Variants in GRK5 observed in about 807,000 individuals in gnomAD.
GRK5 encodes the protein G protein-coupled receptor kinase 5.
A neutral mutation model predicts 78.4 loss-of-function variants in GRK5; 40 were observed. That is an observed-to-expected ratio of 0.51 (90% CI 0.40 to 0.66). The LOEUF (loss-of-function observed/expected upper bound fraction) is 0.66, where lower values mean the gene tolerates loss of function less well. Ranked by LOEUF, GRK5 falls within the 30% of genes least tolerant of loss-of-function variation. The pLI is 0.00. For missense variants in GRK5, 598 were observed against 759.9 expected (o/e 0.79, Z 2.50); for synonymous variants, 289 against 296.8 (o/e 0.97, Z 0.27).
At chr10:119,403,315 T>C (rs558354773) in intron 4 of GRK5, among the ~76,000 whole-genome samples, 5 of 151,612 alleles carry the variant, frequency 3.3e-5, no homozygotes, top group Non-Finnish European at 7.4e-5. Context: ...TACAGGTGCC[T>C]GCCACCACGC....
intron 4 of GRK5, among the ~76,000 whole-genome samples, chr10:119,398,878 A>C (rs1205308808): frequency 2.6e-5 from 4 of 152,174 alleles, no homozygotes. Flanking sequence ...TCTGATCTGC[A>C]GTGAGGGCGG....
intron 3 of GRK5, among the ~76,000 whole-genome samples, chr10:119,393,054 C>T (rs776288096): frequency 1.3e-5 from 2 of 152,224 alleles, no homozygotes; most frequent in Non-Finnish European, 2.9e-5. Flanking sequence ...TCGGCCCATC[C>T]AGGGGAGCCA....
chr10:119,273,223 T>C (rs1006453560), intron 1 of GRK5, among the ~76,000 whole-genome samples: 9 of 152,124 alleles, frequency 5.9e-5, no homozygotes, highest in African/African-American at 2.2e-4. Flanking sequence ...AGCTCCACTG[T>C]AGGCATAAAG....
chr10:119,290,501 C>T (rs1044287885), intron 1 of GRK5, among the ~76,000 whole-genome samples: 2 of 152,058 alleles, frequency 1.3e-5, no homozygotes, highest in African/African-American at 4.8e-5. Context: ...TTGCTGACAT[C>T]GTGACGATTT....
Position 119,412,335 on chromosome 10 carries a change from C to T in GRK5, c.340-10831C>T, listed in dbSNP as rs554741417. ...GCTGTGCCTGGCACGGTGCCCGGGCCGTGCAGTCCATCGCCTGGGCTGACC... is the reference window on the plus strand; with the variant it reads ...GCTGTGCCTGGCACGGTGCCCGGGCTGTGCAGTCCATCGCCTGGGCTGACC... On this transcript the variant is annotated intron_variant, in intron 4 of 15. Transcript: ENST00000392870. This position sits in a 1 kb window ranked among gnomAD's most constrained non-coding sequence, Gnocchi z 4.3. Among the ~76,000 whole-genome samples the T allele has an allele frequency of 1.3e-5, 2 of 152,306 alleles. No individual in the cohort carries two copies. The highest frequency in any genetic ancestry group is 2.1e-4 in the South Asian group (1 of 4,822).
chr10:119,325,462 T>G (rs1203873033), intron 1 of GRK5, among the ~76,000 whole-genome samples: 2 of 151,756 alleles, frequency 1.3e-5, no homozygotes, highest in African/African-American at 4.8e-5. Flanking sequence ...GGTGACAGAG[T>G]GGAGGGGCTG....
At chr10:119,287,639 T>A (rs1391146298) in intron 1 of GRK5, among the ~76,000 whole-genome samples, 1 of 152,206 alleles carries the variant, frequency 6.6e-6, no homozygotes, top group East Asian at 1.9e-4. Context: ...TCTCTGGGGC[T>A]TAGCTCAACT....
chr10:119,229,591 A>C (rs775789060), intron 1 of GRK5, among the ~76,000 whole-genome samples: 1 of 152,164 alleles, frequency 6.6e-6, no homozygotes, highest in Non-Finnish European at 1.5e-5. Context: ...CAGGAATGCA[A>C]AGATGTGAGA....
chr10:119,383,120 A>G (rs1331305100), intron 3 of GRK5, among the ~76,000 whole-genome samples: 2 of 152,086 alleles, frequency 1.3e-5, no homozygotes, highest in Non-Finnish European at 2.9e-5. Context: ...ATGGGGTCTC[A>G]CCGTGTTAGC....
At position 119,430,214 on chromosome 10, in the gene GRK5, C is replaced by T. The variant is rs990355147; in HGVS notation, c.534-161C>T. Among the ~76,000 whole-genome samples the T allele has an allele frequency of 3.3e-5, 5 of 152,108 alleles. No individual in the cohort carries two copies. In the South Asian group the frequency reaches 8.3e-4, roughly 25 times the overall value. On this transcript the variant is annotated intron_variant, in intron 6 of 15. Coordinates refer to ENST00000392870, the MANE Select transcript of GRK5 (RefSeq NM_005308.3). This position sits in a 1 kb window ranked among gnomAD's most constrained non-coding sequence, Gnocchi z 4.5. The stretch of plus-strand genomic sequence containing the variant: ...AACACTCAGCTTCAGACTAAGTCCT[C>T]GAAGGTCCAGTCTCCAGCGATGATT...
chr10:119,266,773 GT>G lies in GRK5; in HGVS notation c.52+58820del, dbSNP rs1254703830. ...GGGGTTGGGTGGGTGGGGGGGAAGA[GT>G]TTTTTTTTTTTTTTTATGGAGACAG... On this transcript the variant is annotated intron_variant, in intron 1 of 15. Coordinates refer to ENST00000392870, the MANE Select transcript of GRK5 (RefSeq NM_005308.3). Among the ~76,000 whole-genome samples, 211 of 134,692 alleles carry G rather than the reference GT, an allele frequency of 1.6e-3. 1 individual carries two copies. The highest frequency in any genetic ancestry group is 4.6e-3 in the Admixed American group (62 of 13,462). 88.4% of individuals were successfully genotyped at this position (134,692 alleles called of 152,430 possible).
rs1263835464 is a variant in GRK5 at position 119,271,614 on chromosome 10, G to A, written c.53-54902G>A. Among the ~76,000 whole-genome samples, 2 of 152,196 alleles carry A rather than the reference G, an allele frequency of 1.3e-5. No homozygotes were observed. Among genetic ancestry groups the A allele is most frequent in the Non-Finnish European group, 2.9e-5 (2 of 68,026 alleles). ...AGCTCGTAAATGACTCACCCCATCA[G>A]TGCTGGGCTGGTGTGTGCGGGGTTT... On this transcript the variant is annotated intron_variant, in intron 1 of 15. Transcript: ENST00000392870. This position sits in a 1 kb window ranked among gnomAD's most constrained non-coding sequence, Gnocchi z 4.1.
chr10:119,212,656 T>C (rs1564850174), intron 1 of GRK5, among the ~76,000 whole-genome samples: 1 of 152,222 alleles, frequency 6.6e-6, no homozygotes, highest in Non-Finnish European at 1.5e-5. Flanking sequence ...GATAAAGCAT[T>C]ATAATGTCTA....
At chr10:119,280,131 A>G (rs2133687859) in intron 1 of GRK5, among the ~76,000 whole-genome samples, 1 of 152,124 alleles carries the variant, frequency 6.6e-6, no homozygotes, top group Admixed American at 6.5e-5. Context: ...AGGCCTTAGT[A>G]CCCTTATCTC....
chr10:119,207,852 G>T lies in GRK5; in HGVS notation c.-66G>T. On this transcript the variant is annotated 5_prime_UTR_variant, in exon 1 of 16. Coordinates refer to ENST00000392870, the MANE Select transcript of GRK5 (RefSeq NM_005308.3). ...GGCGGCAGCCCGAGCAGCGGCAGCA[G>T]CAGCGGCAGCACCCCAGGCGCTGAC... 6.8e-7 allele frequency: 1 copy of T among 1,464,826 alleles called. No individual in the cohort carries two copies. Among genetic ancestry groups the T allele is most frequent in the Non-Finnish European group, 9.2e-7 (1 of 1,081,426 alleles). The allele number at this position is 1,464,826 out of a possible 1,614,324, so 90.7% of individuals were successfully genotyped here.
intron 2 of GRK5, among the ~76,000 whole-genome samples, chr10:119,365,848 A>G (rs1396721560): frequency 6.6e-6 from 1 of 152,270 alleles, no homozygotes; most frequent in African/African-American, 2.4e-5. Context: ...CCTGTGTAGC[A>G]GTTCACAGCC....
At chr10:119,372,456 T>G (rs889332135) in intron 2 of GRK5, among the ~76,000 whole-genome samples, 9 of 152,222 alleles carry the variant, frequency 5.9e-5, no homozygotes, top group African/African-American at 2.2e-4. Context: ...ATATAGGTTT[T>G]CATTTTGAGT....
At chr10:119,263,656 G>T (rs1302452838) in intron 1 of GRK5, among the ~76,000 whole-genome samples, 1 of 152,108 alleles carries the variant, frequency 6.6e-6, no homozygotes, top group Non-Finnish European at 1.5e-5. Context: ...AGGCGCAGTG[G>T]CTCATGCCTG....
intron 2 of GRK5, among the ~76,000 whole-genome samples, chr10:119,357,897 G>T (rs1382604647): frequency 6.6e-6 from 1 of 152,150 alleles, no homozygotes; most frequent in Non-Finnish European, 1.5e-5. Context: ...ACCCCACAGG[G>T]ACTGAGTTTT....
Sources: gnomAD v4.1 joint callset for allele counts (sites outside exome capture counted in the v4.1 genomes callset) on GRCh38, gnomAD v4.1.1 for gene constraint, Gnocchi (gnomAD v3.1) non-coding constraint, MANE v1.5 for transcripts, NCBI Gene and HGNC (gene_info 2026-07-23, HGNC 2026-07-21) for gene names.